The following TMEM223 variants were observed in gnomAD, a reference collection of about 807,000 sequenced individuals.
TMEM223 encodes transmembrane protein 223.
Under a neutral mutation model 14.1 loss-of-function variants are expected in TMEM223, and 14 were observed. The ratio of observed to expected loss-of-function variants is 0.99; its 90% CI spans 0.66 to 1.55. The LOEUF (loss-of-function observed/expected upper bound fraction) is 1.55. Among genes scored for constraint, TMEM223 ranks in the 40% most tolerant of loss-of-function variants. The pLI, the probability that TMEM223 is intolerant of heterozygous loss-of-function variation, is 0.00. For synonymous variants in TMEM223, 145 were observed against 120.5 expected (o/e 1.20, Z -1.33); for missense variants, 346 against 269.9 (o/e 1.28, Z -1.97).
downstream of TMEM223, chr11:62,782,724 C>A (rs186394049): frequency 2.8e-4 from 455 of 1,612,468 alleles, no homozygotes; most frequent in Admixed American, 3.7e-4. Context: ...TGGCCTCTAT[C>A]AGCATATCCT....
chr11:62,771,441 C>A, downstream of TMEM223: 1 of 157,134 alleles, frequency 6.4e-6, no homozygotes, highest in South Asian at 1.7e-4. Context: ...CCGCCACCGC[C>A]CCCGCCGCCG....
At chr11:62,772,750 A>G (rs958878546) in intron 2 of TMEM223, among the ~76,000 whole-genome samples, 4 of 150,964 alleles carry the variant, frequency 2.6e-5, no homozygotes, top group African/African-American at 4.9e-5. Context: ...GTGAGCCGAG[A>G]TCAAGCCACT....
intron 1 of TMEM223, among the ~76,000 whole-genome samples, chr11:62,781,412 G>A (rs753805212): frequency 1.3e-5 from 2 of 151,978 alleles, no homozygotes; most frequent in Admixed American, 1.3e-4. Flanking sequence ...GGTGGCTCAC[G>A]CCTGTAATCC....
At chr11:62,782,544 C>T, downstream of TMEM223, 1 of 1,229,026 alleles carries the variant, frequency 8.1e-7, no homozygotes, top group African/African-American at 1.5e-5. Flanking sequence ...GCCCTCAGGT[C>T]CTAGGCCAGT....
At chr11:62,786,984 T>C (rs1000081793), downstream of TMEM223, 1 of 1,455,898 alleles carries the variant, frequency 6.9e-7, no homozygotes, top group Non-Finnish European at 9.0e-7. Context: ...CCGCCGCCTC[T>C]GAGAGCAGGC....
At chr11:62,782,383 G>C in intron 1 of TMEM223, 1 of 1,583,656 alleles carries the variant, frequency 6.3e-7, no homozygotes, top group Non-Finnish European at 8.6e-7. Context: ...GAGCCAAGTG[G>C]GTTGGGGTAA....
chr11:62,771,430 GCCGCCA>G, downstream of TMEM223: 1 of 157,130 alleles, frequency 6.4e-6, no homozygotes, highest in African/African-American at 2.4e-5. Flanking sequence ...AGTGGGCGCC[GCCGCCA>G]CCGCCCCCGC....
At chr11:62,789,596 C>G, downstream of TMEM223, 3 of 1,548,700 alleles carry the variant, frequency 1.9e-6, no homozygotes, top group Non-Finnish European at 1.7e-6. Context: ...TCTTTGACCT[C>G]ACAGCTGTTC....
chr11:62,789,005 A>C (rs1433120232), downstream of TMEM223: 1 of 1,602,304 alleles, frequency 6.2e-7, no homozygotes, highest in Non-Finnish European at 8.5e-7. Flanking sequence ...TCTAGGACTC[A>C]GCAGCTTCTC....
chr11:62,781,239 GAA>G (rs572508048), intron 1 of TMEM223, among the ~76,000 whole-genome samples: 1 of 105,500 alleles, frequency 9.5e-6, no homozygotes. Context: ...CCATCTCAAA[GAA>G]AAAAAAAAAA....
chr11:62,790,543 G>A lies in TMEM223; in HGVS notation c.*80C>T, dbSNP rs1433607599. The A allele has an allele frequency of 4.4e-6, 6 of 1,357,322 alleles. No individual in the cohort carries two copies. Among genetic ancestry groups the A allele is most frequent in the Non-Finnish European group, 6.1e-6 (6 of 991,156 alleles). The allele number at this position is 1,357,322 out of a possible 1,614,324, so 84.1% of individuals were successfully genotyped here. A position where few individuals can be genotyped will look rare whatever the true frequency, so the allele number is the denominator to read the frequency against. On this transcript the variant is annotated 3_prime_UTR_variant, in exon 2 of 2. Coordinates refer to ENST00000307366, the MANE Select transcript of TMEM223 (RefSeq NM_001080501.3). ...TCCCAAAGTGCTGGGATTACAACAG[G>A]TGTGAACCAACACACCTGGCTCCCC...
At position 62,790,148 on chromosome 11, in the gene TMEM223, T is replaced by G; in HGVS notation, c.*475A>C. 1 of 1,322,592 alleles carries G rather than the reference T, an allele frequency of 7.6e-7. No individual in the cohort carries two copies. The highest frequency in any genetic ancestry group is 2.6e-5 in the East Asian group (1 of 38,382). The allele number at this position is 1,322,592 out of a possible 1,614,324, so 81.9% of individuals were successfully genotyped here. ...TTATGTTGGGAGTCTTAGTTTTCCT[T>G]TCGTTGGGGGGTGGGGGGGAAACAT... On this transcript the variant is annotated 3_prime_UTR_variant, in exon 2 of 2. Coordinates refer to ENST00000307366, the MANE Select transcript of TMEM223 (RefSeq NM_001080501.3).
intron 1 of TMEM223, chr11:62,778,431 G>T: frequency 7.0e-7 from 1 of 1,436,774 alleles, no homozygotes; most frequent in Non-Finnish European, 9.7e-7. Flanking sequence ...CGTCTAACAT[G>T]TGTTTACCCA....
rs759378572 is a variant in TMEM223, at chr11:62,791,732, T to C, written c.263A>G (p.Asp88Gly). The part of the protein sequence containing the change: ...DAEVPNRGPF[D>G]LRSALWRYGL... ...GTAGCGCCAGAGCGCGGAGCGCAGG[T>C]CGAAGGGGCCACGATTTGGGACCTC... Residue 88 changes from aspartate (D) to glycine (G), a missense_variant, in exon 1 of 2, where the codon GAC (aspartate) becomes GGC (glycine). Coordinates refer to ENST00000307366, the MANE Select transcript of TMEM223 (RefSeq NM_001080501.3). 9 of 1,558,300 alleles carry C rather than the reference T, an allele frequency of 5.8e-6. No individual in the cohort carries two copies. The highest frequency in any genetic ancestry group is 1.7e-4 in the Middle Eastern group (1 of 5,892).
intron 1 of TMEM223, chr11:62,775,845 C>T (rs1046159010): frequency 1.1e-5 from 18 of 1,613,188 alleles, no homozygotes; most frequent in East Asian, 2.2e-5. Context: ...CGGCTCATGG[C>T]GGAGAGCACG....
chr11:62,787,546 G>A, downstream of TMEM223: 1 of 1,539,762 alleles, frequency 6.5e-7, no homozygotes, highest in Non-Finnish European at 8.7e-7. Flanking sequence ...GCGGGGCGGG[G>A]TCAGGTAGGC....
Position 62,791,690 on chromosome 11 carries a change from C to A in TMEM223, c.305G>T (p.Cys102Phe). The part of the protein sequence containing the change: ...ALWRYGLAVG[C>F]GAIGALVLGA... ...AGCCCACGTCTTACCGATGGCGCCG[C>A]AGCCGACGGCCAGACCGTAGCGCCA... The change falls in exon 1 of 2, where the codon TGC becomes TTC. Residue 102 changes from cysteine to phenylalanine, a missense_variant. By Grantham distance (205) the Cys-to-Phe change is radical. Coordinates refer to ENST00000307366, the MANE Select transcript of TMEM223 (RefSeq NM_001080501.3). The A allele has an allele frequency of 6.5e-7, 1 of 1,536,084 alleles. No individual in the cohort carries two copies. Among genetic ancestry groups the A allele is most frequent in the South Asian group, 1.2e-5 (1 of 83,634 alleles).
Position 62,791,968 on chromosome 11 carries a change from G to T in TMEM223, c.27C>A (p.Pro9=). MAAPWRRW[P]TGLLAVLRPL... ...GCCGCAGCACGGCTAGCAGCCCCGT[G>T]GGCCATCGCCTCCAAGGCGCCGCCA... Residue 9 remains proline, a synonymous_variant, in exon 1 of 2, where the codon CCC becomes CCA. Coordinates refer to ENST00000307366, the MANE Select transcript of TMEM223 (RefSeq NM_001080501.3). 1 of 1,565,154 alleles carries T rather than the reference G, an allele frequency of 6.4e-7. No individual in the cohort carries two copies. Among genetic ancestry groups the T allele is most frequent in the Middle Eastern group, 2.0e-4 (1 of 4,888 alleles).
chr11:62,786,686 C>T (rs1286313757), downstream of TMEM223: 2 of 1,612,056 alleles, frequency 1.2e-6, no homozygotes, highest in Non-Finnish European at 1.7e-6. Context: ...TCCGGCCTCC[C>T]GCTGCCGCCA....
Sources: gnomAD v4.1 joint callset for allele counts (sites outside exome capture counted in the v4.1 genomes callset) on GRCh38, gnomAD v4.1.1 for gene constraint, MANE v1.5 for transcripts, NCBI Gene and HGNC (gene_info 2026-07-23, HGNC 2026-07-21) for gene names.